UTP11: variants seen among roughly 807,000 people sequenced by gnomAD.
UTP11 encodes the protein probable U3 small nucleolar RNA-associated protein 11.
In UTP11, 29 loss-of-function variants were observed where a neutral mutation model predicts 39.0. The ratio of observed to expected loss-of-function variants is 0.74; its 90% CI spans 0.55 to 1.01. The LOEUF is 1.01. Among genes scored for constraint, UTP11 ranks in the 50% least tolerant of loss-of-function variants. UTP11 has a pLI of 0.00. For synonymous variants in UTP11, 111 were observed against 105.0 expected (o/e 1.06, Z -0.35); for missense variants, 281 against 306.0 (o/e 0.92, Z 0.61).
At chr1:38,020,382 G>A (rs12123562) in intron 6 of UTP11, among the ~76,000 whole-genome samples, 5,985 of 152,248 alleles carry the variant, frequency 0.039, 150 homozygotes, top group Non-Finnish European at 0.055. Flanking sequence ...GGGATTACAG[G>A]CGTGAGCCAC....
At chr1:38,016,577 C>A in intron 2 of UTP11, 157 bp downstream of exon 2, 1 of 693,774 alleles carries the variant, frequency 1.4e-6, no homozygotes, top group Non-Finnish European at 2.5e-6. Context: ...TTCTGTGATC[C>A]TAAATTTCTC....
In UTP11 at chr1:38,021,906, A is replaced by G. The variant is rs191911452; in HGVS notation, c.568-793A>G. ...AGACTCCGCCTCAGAAAAAAAAAAA[A>G]AAGAAGAAAGATCCCAAAGCTTTCA... On this transcript the variant is annotated intron_variant, in intron 6 of 7. Coordinates refer to ENST00000373014, the MANE Select transcript of UTP11 (RefSeq NM_016037.4). Among the ~76,000 whole-genome samples the G allele has an allele frequency of 2.3e-3, 353 of 152,216 alleles. 1 individual carries two copies. Among genetic ancestry groups the G allele is most frequent in the African/African-American group, 8.1e-3 (336 of 41,534 alleles).
chr1:38,012,913 T>C (rs779962489), intron 1 of UTP11, 48 bp downstream of exon 1: 11 of 1,612,632 alleles, frequency 6.8e-6, no homozygotes, highest in Non-Finnish European at 9.3e-6. Context: ...CGCCATGTGT[T>C]ACCCTTGCCC....
chr1:38,017,766 T>G lies in UTP11; in HGVS notation c.224T>G (p.Leu75Arg), dbSNP rs199546649. ...EFYYKMTRVK[L>R]QDGVHIIKET... ...TACTACAAAATGACTCGGGTTAAAC[T>G]CCAGGTGGGTGCCCAATGGCTTGGT... The change falls in exon 3 of 8, where the codon CTC becomes CGC. Residue 75 changes from leucine (L) to arginine (R), a missense_variant. Transcript: ENST00000373014. 230 of 1,607,904 alleles carry G rather than the reference T, an allele frequency of 1.4e-4. No individual in the cohort carries two copies. The highest frequency in any genetic ancestry group is 1.8e-4 in the Non-Finnish European group (214 of 1,178,072).
intron 6 of UTP11, among the ~76,000 whole-genome samples, chr1:38,021,854 C>T (rs1022203318): frequency 6.6e-6 from 1 of 151,576 alleles, no homozygotes; most frequent in African/African-American, 2.4e-5. Flanking sequence ...GATAGTGCCA[C>T]TGCACTCCAG....
chr1:38,019,751 C>G (rs182704794), intron 6 of UTP11, among the ~76,000 whole-genome samples: 20 of 151,968 alleles, frequency 1.3e-4, no homozygotes, highest in Non-Finnish European at 2.5e-4. Context: ...CCCAAAGTGT[C>G]GGGATTACAA....
chr1:38,022,604 A>C (rs1046676727), intron 6 of UTP11, 95 bp from the exon 7 acceptor site: 31 of 781,770 alleles, frequency 4.0e-5, no homozygotes, highest in Non-Finnish European at 3.7e-5. Flanking sequence ...GAGTTGATGA[A>C]ACTATGCAGT....
At chr1:38,015,815 T>C (rs1189969383) in intron 1 of UTP11, among the ~76,000 whole-genome samples, 2 of 152,208 alleles carry the variant, frequency 1.3e-5, no homozygotes, top group Non-Finnish European at 2.9e-5. Context: ...TTACCATTAA[T>C]AGAAGCTCCT....
intron 1 of UTP11, among the ~76,000 whole-genome samples, chr1:38,014,754 G>A (rs1390731486): frequency 6.6e-6 from 1 of 152,126 alleles, no homozygotes; most frequent in Non-Finnish European, 1.5e-5. Context: ...TTTTGCCTCA[G>A]CTTCCTGAGT....
chr1:38,014,024 AC>A (rs1646693251), intron 1 of UTP11, among the ~76,000 whole-genome samples: 1 of 152,128 alleles, frequency 6.6e-6, no homozygotes, highest in South Asian at 2.1e-4. Flanking sequence ...CAAAACTATC[AC>A]CTTTTGAGCA....
rs1239098290 is a variant in UTP11 at position 38,024,659 on chromosome 1, G to T, written c.*1031G>T. On this transcript the variant is annotated 3_prime_UTR_variant, in exon 8 of 8. Transcript: ENST00000373014. Reference sequence around the variant, plus strand: ...CCTGACCTCATGATCCACCCGCCTCGGCCTCCCAAAGTGCTGGGATTACAG... The same window carrying T: ...CCTGACCTCATGATCCACCCGCCTCTGCCTCCCAAAGTGCTGGGATTACAG... The T allele has an allele frequency of 6.6e-6, 1 of 150,846 alleles. No homozygotes were observed. The highest frequency in any genetic ancestry group is 1.5e-5 in the Non-Finnish European group (1 of 67,760). 9.3% of individuals were successfully genotyped at this position (150,846 alleles called of 1,614,324 possible). A position where few individuals can be genotyped will look rare whatever the true frequency, so the allele number is the denominator to read the frequency against.
At position 38,023,704 on chromosome 1, in the gene UTP11, C is replaced by T; in HGVS notation, c.*76C>T. 1.5e-6 allele frequency: 2 copies of T among 1,310,530 alleles called. No homozygotes were observed. Among genetic ancestry groups the T allele is most frequent in the Non-Finnish European group, 2.1e-6 (2 of 942,220 alleles). 81.2% of individuals were successfully genotyped at this position (1,310,530 alleles called of 1,614,324 possible). On this transcript the variant is annotated 3_prime_UTR_variant, in exon 8 of 8. Coordinates refer to ENST00000373014, the MANE Select transcript of UTP11 (RefSeq NM_016037.4). ...TCTAGTAACTTCAAATTCCATTACT[C>T]CAAATGGCATGGTTTTCCGGTTTGT...
chr1:38,017,852 CGTT>C (rs1454348204), intron 3 of UTP11, 82 bp downstream of exon 3: 2 of 1,264,858 alleles, frequency 1.6e-6, no homozygotes, highest in Non-Finnish European at 2.2e-6. Flanking sequence ...GAGGAAGAAT[CGTT>C]GGCCTTAATT....
rs1321908231 is a variant in UTP11 at position 38,023,976 on chromosome 1, C to T, written c.*348C>T. 1 of 164,604 alleles carries T rather than the reference C, an allele frequency of 6.1e-6. No individual in the cohort carries two copies. The highest frequency in any genetic ancestry group is 2.4e-5 in the African/African-American group (1 of 41,748). 10.2% of individuals were successfully genotyped at this position (164,604 alleles called of 1,614,324 possible). ...CATCAGCCTCTTGAGTAGCTGGGACCACAGACATGTGCCACCATGTCTGAG... is the reference window on the plus strand; with the variant it reads ...CATCAGCCTCTTGAGTAGCTGGGACTACAGACATGTGCCACCATGTCTGAG... On this transcript the variant is annotated 3_prime_UTR_variant, in exon 8 of 8. Transcript: ENST00000373014.
rs201015097 is a variant in UTP11 at position 38,018,482 on chromosome 1, A to G, written c.247A>G (p.Lys83Glu). ...ATTTTAGGATGGAGTACATATTATT[A>G]AGGAGACTAAGGAAGAAGTAACCCC... ...VKLQDGVHIIKETKEEVTPEQ... is the reference protein window; with the variant it reads ...VKLQDGVHIIEETKEEVTPEQ... Residue 83 changes from lysine to glutamate, a missense_variant, in exon 4 of 8, where the codon AAG becomes GAG. Transcript: ENST00000373014. 4 of 1,612,128 alleles carry G rather than the reference A, an allele frequency of 2.5e-6. No individual in the cohort carries two copies. The East Asian group carries it at 8.9e-5, about 36-fold the overall frequency.
intron 1 of UTP11, among the ~76,000 whole-genome samples, chr1:38,014,008 C>T (rs1646693088): frequency 6.6e-6 from 1 of 152,254 alleles, no homozygotes; most frequent in Admixed American, 6.5e-5. Flanking sequence ...AGCCCCTGCA[C>T]CCGGCCAAAA....
At chr1:38,013,995 G>A (rs1646693046) in intron 1 of UTP11, among the ~76,000 whole-genome samples, 1 of 152,188 alleles carries the variant, frequency 6.6e-6, no homozygotes, top group Non-Finnish European at 1.5e-5. Flanking sequence ...GATTACAGGC[G>A]TGAGCCCCTG....
At chr1:38,018,180 C>T (rs1008294177) in intron 3 of UTP11, among the ~76,000 whole-genome samples, 8 of 152,040 alleles carry the variant, frequency 5.3e-5, no homozygotes, top group East Asian at 1.9e-4. Flanking sequence ...AAGTGATTCT[C>T]GTGCCTCAGC....
intron 1 of UTP11, among the ~76,000 whole-genome samples, chr1:38,015,767 T>C (rs1047918515): frequency 3.9e-5 from 6 of 152,174 alleles, no homozygotes; most frequent in African/African-American, 1.4e-4. Flanking sequence ...AGTAAACTCA[T>C]GCTGGAAAGC....
Sources: allele counts gnomAD v4.1 joint callset (sites outside exome capture counted in the v4.1 genomes callset), GRCh38; gene constraint gnomAD v4.1.1; transcripts MANE v1.5; gene names NCBI Gene and HGNC (gene_info 2026-07-23, HGNC 2026-07-21).